Variants in TLE2 observed in about 807,000 individuals in gnomAD.
The protein encoded by TLE2 is transducin-like enhancer protein 2.
Under a neutral mutation model 97.2 loss-of-function variants are expected in TLE2, and 74 were observed. The observed-to-expected ratio is 0.76, with a 90% CI of 0.63 to 0.92. The LOEUF (loss-of-function observed/expected upper bound fraction) is 0.92, where lower values mean the gene tolerates loss of function less well. Among genes scored for constraint, TLE2 ranks in the 40% least tolerant of loss-of-function variants. The pLI, the probability that TLE2 is intolerant of heterozygous loss-of-function variation, is 0.00. For missense variants in TLE2, 1,038 were observed against 1,008.7 expected, an observed-to-expected ratio of 1.03 and a Z score of -0.39; for synonymous variants, 499 against 432.1, an observed-to-expected ratio of 1.15 and a Z score of -1.92.
At chr19:3,000,943 G>T (rs1001305865) in intron 18 of TLE2, among the ~76,000 whole-genome samples, 1 of 151,036 alleles carries the variant, frequency 6.6e-6, no homozygotes, top group African/African-American at 2.4e-5. Context: ...CTCCCAAGCA[G>T]CTGGGACCAC....
Position 3,005,983 on chromosome 19 carries a change from A to C in TLE2, c.1501-15T>G, listed in dbSNP as rs1390144443. On this transcript the variant is annotated splice_polypyrimidine_tract_variant and intron_variant, in intron 15 of 19. Transcript: ENST00000262953. The stretch of plus-strand genomic sequence containing the variant: ...TTGTCTCGGTTCTGGGGTCGGGGAG[A>C]GAAGCAGGGGCTGGGGGTTGGTCCC... The C allele has an allele frequency of 6.2e-7, 1 of 1,608,510 alleles. No individual in the cohort carries two copies.
Position 3,000,635 on chromosome 19 carries a change from A to G in TLE2, c.2124+12T>C, listed in dbSNP as rs2089336020. ...GGCCCTGCCAGAGTGGGGGCTCCAGACCGCCGAGTACCTGGAAAATGCTGG... is the reference window on the plus strand; with the variant it reads ...GGCCCTGCCAGAGTGGGGGCTCCAGGCCGCCGAGTACCTGGAAAATGCTGG... On this transcript the variant is annotated intron_variant, in intron 19 of 19. Coordinates refer to ENST00000262953, the MANE Select transcript of TLE2 (RefSeq NM_003260.5). 6.4e-7 allele frequency: 1 copy of G among 1,572,558 alleles called. No homozygotes were observed. The highest frequency in any genetic ancestry group is 1.4e-5 in the African/African-American group (1 of 73,872).
At chr19:2,999,744 G>T (rs1454352568) in intron 19 of TLE2, among the ~76,000 whole-genome samples, 2 of 119,182 alleles carry the variant, frequency 1.7e-5, no homozygotes, top group Non-Finnish European at 3.5e-5. Context: ...AAAAAAGAAA[G>T]AAAAACAGCT....
At chr19:3,032,335 T>C (rs554298374), upstream of TLE2, among the ~76,000 whole-genome samples, 2 of 152,230 alleles carry the variant, frequency 1.3e-5, no homozygotes, top group African/African-American at 4.8e-5. This position sits in a 1 kb window ranked among gnomAD's most constrained non-coding sequence, Gnocchi z 4.1. Flanking sequence ...CCTTCTGGGC[T>C]CAGGTGATTC....
intron 19 of TLE2, 123 bp downstream of exon 19, chr19:3,000,524 C>G: frequency 1.2e-6 from 1 of 851,026 alleles, no homozygotes; most frequent in Non-Finnish European, 1.8e-6. Context: ...TTGCAGGACC[C>G]TGAGGAGGGG....
At chr19:3,040,541 G>A (rs1888286085) in intron 1 of TLE2, among the ~76,000 whole-genome samples, 1 of 151,994 alleles carries the variant, frequency 6.6e-6, no homozygotes, top group South Asian at 2.1e-4. Context: ...GTTTCACCAT[G>A]TTACCCAGGC....
chr19:3,040,025 G>A (rs530088174), intron 1 of TLE2, among the ~76,000 whole-genome samples: 2 of 152,362 alleles, frequency 1.3e-5, no homozygotes, highest in African/African-American at 4.8e-5. Flanking sequence ...GTGCGGCCCA[G>A]CGGGGACAAT....
chr19:3,022,724 C>T (rs1346238822), intron 5 of TLE2, among the ~76,000 whole-genome samples: 2 of 152,058 alleles, frequency 1.3e-5, no homozygotes, highest in African/African-American at 4.8e-5. Context: ...CTGTCTCCAC[C>T]AAGGAGGTAT....
chr19:3,005,074 A>C (rs1189199507), intron 17 of TLE2, among the ~76,000 whole-genome samples: 2 of 151,842 alleles, frequency 1.3e-5, no homozygotes, highest in African/African-American at 4.8e-5. Flanking sequence ...GTTAGTCCTC[A>C]GTTGGGAAGT....
chr19:3,015,986 G>A, intron 8 of TLE2: 1 of 627,500 alleles, frequency 1.6e-6, no homozygotes, highest in Non-Finnish European at 3.0e-6. Context: ...GCCCAGGCTG[G>A]AGTGCAGTGG....
rs1181946631 is a variant in TLE2, at chr19:3,025,073, C to T, written c.241G>A (p.Val81Met). 1 of 1,604,548 alleles carries T rather than the reference C, an allele frequency of 6.2e-7. No homozygotes were observed. Among genetic ancestry groups the T allele is most frequent in the Non-Finnish European group, 8.5e-7 (1 of 1,175,814 alleles). Reference sequence around the variant, plus strand: ...GCGCAGATACCGCTCAGACGCTTCACAATCTCCGCCTGGCAGGAAGCAATG... The same window carrying T: ...GCGCAGATACCGCTCAGACGCTTCATAATCTCCGCCTGGCAGGAAGCAATG... ...NIEMHKQAEI[V>M]KRLSGICAQI... Residue 81 changes from valine to methionine, a missense_variant, in exon 5 of 20, where the codon GTG (valine) becomes ATG (methionine). By Grantham distance (21) the Val-to-Met change is conservative (BLOSUM62 1). Transcript: ENST00000262953.
chr19:3,002,319 T>C, intron 18 of TLE2, 34 bp downstream of exon 18: 1 of 1,575,244 alleles, frequency 6.3e-7, no homozygotes, highest in Non-Finnish European at 8.6e-7. Flanking sequence ...TGTTGGGGTT[T>C]TGAGGGCGTG....
At chr19:3,028,531 A>G (rs2145212777) in intron 2 of TLE2, 149 bp from the exon 3 acceptor site, 1 of 1,028,818 alleles carries the variant, frequency 9.7e-7, no homozygotes, top group East Asian at 2.6e-5. Context: ...CTGGGCTCCA[A>G]ATGCCCCAGC....
At position 3,015,694 on chromosome 19, in the gene TLE2, C is replaced by T. The variant is rs201144885; in HGVS notation, c.637G>A (p.Gly213Arg). 2.1e-3 allele frequency: 3,388 copies of T among 1,611,494 alleles called. 8 individuals are homozygous for T. Among genetic ancestry groups the T allele is most frequent in the Non-Finnish European group, 2.4e-3 (2,886 of 1,179,314 alleles). The change falls in exon 9 of 20, where the codon GGG becomes AGG. Residue 213 changes from glycine (G) to arginine (R), a missense_variant. Gly to Arg is a moderately radical substitution (Grantham distance 125). Transcript: ENST00000262953. ...EERPSGPGGG[G>R]KQRADEKEPS... ...TCCTTCTCATCTGCTCTCTGCTTCC[C>T]GCCACCACCAGGGCCACTCGGTCGC...
intron 8 of TLE2, among the ~76,000 whole-genome samples, chr19:3,016,089 C>T (rs1005237698): frequency 2.6e-5 from 4 of 151,772 alleles, no homozygotes; most frequent in Non-Finnish European, 5.9e-5. Flanking sequence ...GGCGCCACCA[C>T]CACGCCCAGC....
At chr19:3,016,603 A>G (rs2089711827) in intron 8 of TLE2, among the ~76,000 whole-genome samples, 1 of 151,520 alleles carries the variant, frequency 6.6e-6, no homozygotes, top group Non-Finnish European at 1.5e-5. Flanking sequence ...AAAAAAAAAA[A>G]AAAATTAAAC....
chr19:3,038,816 G>C (rs546038367), intron 1 of TLE2, among the ~76,000 whole-genome samples: 1 of 152,148 alleles, frequency 6.6e-6, no homozygotes, highest in South Asian at 2.1e-4. Flanking sequence ...AGGCTGAGGC[G>C]GGCGGATCAC....
intron 3 of TLE2, 141 bp from the exon 4 acceptor site, chr19:3,028,014 T>A (rs2089974523): frequency 1.1e-6 from 1 of 878,520 alleles, no homozygotes; most frequent in Non-Finnish European, 1.8e-6. Flanking sequence ...CTCCACGGGG[T>A]CCCAGAGGAG....
chr19:3,021,934 A>G (rs927961123), intron 5 of TLE2, among the ~76,000 whole-genome samples: 25 of 152,088 alleles, frequency 1.6e-4, no homozygotes, highest in African/African-American at 6.0e-4. Context: ...GGTCGGGCGC[A>G]GTGGCTCATG....
Sources: gnomAD v4.1 joint callset for allele counts (sites outside exome capture counted in the v4.1 genomes callset) on GRCh38, gnomAD v4.1.1 for gene constraint, Gnocchi (gnomAD v3.1) non-coding constraint, MANE v1.5 for transcripts, NCBI Gene and HGNC (gene_info 2026-07-23, HGNC 2026-07-21) for gene names.